Variants in ABRAXAS2 observed in about 807,000 individuals in gnomAD.
ABRAXAS2 encodes BRISC complex subunit Abraxas 2.
In ABRAXAS2, 23 loss-of-function variants were observed where a neutral mutation model predicts 49.0. The ratio of observed to expected loss-of-function variants is 0.47; its 90% CI spans 0.34 to 0.66. The LOEUF is 0.66. ABRAXAS2 is among the 30% of genes least tolerant of loss of function. The pLI is 0.01. For synonymous variants in ABRAXAS2, 168 were observed against 180.2 expected (o/e 0.93, Z 0.54); for missense variants, 443 against 511.9 (o/e 0.87, Z 1.30).
intron 5 of ABRAXAS2, among the ~76,000 whole-genome samples, chr10:124,828,508 G>C (rs1292859491): frequency 6.6e-6 from 1 of 152,072 alleles, no homozygotes; most frequent in Admixed American, 6.6e-5. Context: ...GAGACTACAG[G>C]TGTGCACCAC....
At chr10:124,826,509 T>C (rs1285816759) in intron 4 of ABRAXAS2, 86 bp from the exon 5 acceptor site, 21 of 1,346,444 alleles carry the variant, frequency 1.6e-5, no homozygotes, top group Non-Finnish European at 2.1e-5. Flanking sequence ...AAAGCTACTA[T>C]GAACATTTGT....
intron 2 of ABRAXAS2, among the ~76,000 whole-genome samples, chr10:124,807,568 G>A (rs899910758): frequency 3.3e-5 from 5 of 152,020 alleles, no homozygotes; most frequent in African/African-American, 1.2e-4. Context: ...CAGGAGAATC[G>A]CCTGAACCCG....
intron 2 of ABRAXAS2, among the ~76,000 whole-genome samples, chr10:124,808,987 C>G (rs527541610): frequency 6.6e-6 from 1 of 151,776 alleles, no homozygotes; most frequent in Non-Finnish European, 1.5e-5. Flanking sequence ...AAAAATTAGC[C>G]GGGTGTGGTG....
chr10:124,807,303 ACT>A (rs1950751793), intron 2 of ABRAXAS2, among the ~76,000 whole-genome samples: 1 of 114,672 alleles, frequency 8.7e-6, no homozygotes, highest in Non-Finnish European at 1.7e-5. Context: ...ACAGAGCAAG[ACT>A]CTGTCTCAAA....
rs769477930 is a variant in ABRAXAS2 at position 124,831,375 on chromosome 10, T to C, written c.690T>C (p.Ser230=). Residue 230 remains serine (S), a synonymous_variant, in exon 8 of 9, where the codon AGT becomes AGC. Coordinates refer to ENST00000298492, the MANE Select transcript of ABRAXAS2 (RefSeq NM_032182.4). ...CAGTGTGTGCAGATGTTGAAAAGAGTGAGCGAGTTGTTGAATCTTGTCAGG... is the reference window on the plus strand; with the variant it reads ...CAGTGTGTGCAGATGTTGAAAAGAGCGAGCGAGTTGTTGAATCTTGTCAGG... The part of the protein sequence containing the change: ...VQAVCADVEK[S]ERVVESCQAE... 1 of 1,612,708 alleles carries C rather than the reference T, an allele frequency of 6.2e-7. No homozygotes were observed. The highest frequency in any genetic ancestry group is 1.1e-5 in the South Asian group (1 of 90,978).
intron 2 of ABRAXAS2, among the ~76,000 whole-genome samples, chr10:124,815,820 A>G (rs1426953665): frequency 6.6e-6 from 1 of 150,770 alleles, no homozygotes; most frequent in Non-Finnish European, 1.5e-5. Flanking sequence ...CCAAGTTGTC[A>G]TGAGTTATTA....
At chr10:124,815,345 C>A (rs1381238896) in intron 2 of ABRAXAS2, among the ~76,000 whole-genome samples, 5 of 152,128 alleles carry the variant, frequency 3.3e-5, no homozygotes, top group Non-Finnish European at 7.4e-5. Flanking sequence ...CAGGCGCCCA[C>A]CAACACGCCT....
intron 2 of ABRAXAS2, among the ~76,000 whole-genome samples, chr10:124,811,238 C>G (rs1564919543): frequency 6.6e-6 from 1 of 151,368 alleles, no homozygotes. Flanking sequence ...AAATAAAATC[C>G]TAAAACAGAA....
chr10:124,817,202 TAACTGA>T (rs1434602042), intron 3 of ABRAXAS2, among the ~76,000 whole-genome samples: 1 of 152,100 alleles, frequency 6.6e-6, no homozygotes, highest in South Asian at 2.1e-4. Flanking sequence ...TGACCAAGGG[TAACTGA>T]AACTGGAAAG....
intron 4 of ABRAXAS2, among the ~76,000 whole-genome samples, 156 bp from the exon 5 acceptor site, chr10:124,826,437 CTG>C (rs1269650982): frequency 3.9e-5 from 6 of 152,310 alleles, no homozygotes; most frequent in African/African-American, 1.4e-4. Context: ...GAAGCACAGT[CTG>C]TTTATCCATG....
At chr10:124,814,286 G>A (rs777521657) in intron 2 of ABRAXAS2, among the ~76,000 whole-genome samples, 4 of 151,790 alleles carry the variant, frequency 2.6e-5, no homozygotes, top group Non-Finnish European at 2.9e-5. Context: ...CACCACGCCC[G>A]GCCTCTATCA....
intron 4 of ABRAXAS2, among the ~76,000 whole-genome samples, chr10:124,825,844 T>C (rs1244584239): frequency 6.6e-6 from 1 of 152,186 alleles, no homozygotes; most frequent in Non-Finnish European, 1.5e-5. Context: ...GGCTCTATCT[T>C]GAGAGGTTCT....
In ABRAXAS2 at chr10:124,826,789, A is replaced by T; in HGVS notation, c.458+4A>T. 1 of 1,613,244 alleles carries T rather than the reference A, an allele frequency of 6.2e-7. No homozygotes were observed. The highest frequency in any genetic ancestry group is 8.5e-7 in the Non-Finnish European group (1 of 1,179,400). On this transcript the variant is annotated splice_donor_region_variant and intron_variant, in intron 5 of 8. Transcript: ENST00000298492. The stretch of plus-strand genomic sequence containing the variant: ...TGCTCTTCAGACCAAATAGAAGGTA[A>T]AGCTTGCTTTTCCATCTGCCTCACA...
At chr10:124,832,926 T>A (rs1950942444) in intron 8 of ABRAXAS2, among the ~76,000 whole-genome samples, 1 of 150,540 alleles carries the variant, frequency 6.6e-6, no homozygotes, top group African/African-American at 2.5e-5. Context: ...AGCGGGTGGA[T>A]CACGAGGTCA....
chr10:124,808,773 G>C (rs148482697), intron 2 of ABRAXAS2, among the ~76,000 whole-genome samples: 2 of 152,194 alleles, frequency 1.3e-5, no homozygotes, highest in South Asian at 4.1e-4. Context: ...AACACATAGC[G>C]AATCTGGCCT....
In ABRAXAS2 at chr10:124,833,038, C is replaced by T. The variant is rs555362888; in HGVS notation, c.779-1464C>T. 3.4e-5 allele frequency among the ~76,000 whole-genome samples: 5 copies of T among 146,130 alleles called. 1 individual carries two copies. Among genetic ancestry groups the T allele is most frequent in the South Asian group, 4.5e-4 (2 of 4,492 alleles). Reference sequence around the variant, plus strand: ...GCAGGCACCTGTAATCCCAGCTACTCGGGAGGCTGAGGCGGGAGAATCGTT... The same window carrying T: ...GCAGGCACCTGTAATCCCAGCTACTTGGGAGGCTGAGGCGGGAGAATCGTT... On this transcript the variant is annotated intron_variant, in intron 8 of 8. Coordinates refer to ENST00000298492, the MANE Select transcript of ABRAXAS2 (RefSeq NM_032182.4).
intron 3 of ABRAXAS2, among the ~76,000 whole-genome samples, chr10:124,818,887 A>G (rs1950842862): frequency 6.6e-6 from 1 of 152,180 alleles, no homozygotes; most frequent in Non-Finnish European, 1.5e-5. Flanking sequence ...TTTATCTATG[A>G]AACTGGGAAT....
intron 2 of ABRAXAS2, among the ~76,000 whole-genome samples, chr10:124,814,465 C>T (rs1043381611): frequency 1.3e-5 from 2 of 151,618 alleles, no homozygotes; most frequent in African/African-American, 4.9e-5. Flanking sequence ...TTCTCCCACA[C>T]CTCAGCCTCC....
chr10:124,824,115 C>T (rs1396862870), intron 4 of ABRAXAS2, among the ~76,000 whole-genome samples: 2 of 151,998 alleles, frequency 1.3e-5, no homozygotes, highest in African/African-American at 2.4e-5. Flanking sequence ...TGGCTCAGGC[C>T]GGGCTCAAAC....
Sources: gnomAD v4.1 joint callset for allele counts (sites outside exome capture counted in the v4.1 genomes callset) on GRCh38, gnomAD v4.1.1 for gene constraint, MANE v1.5 for transcripts, NCBI Gene and HGNC (gene_info 2026-07-23, HGNC 2026-07-21) for gene names.